Variants in CEP135 observed in about 807,000 individuals in gnomAD.
CEP135 encodes centrosomal protein 135.
Under a neutral mutation model 157.3 loss-of-function variants are expected in CEP135, and 142 were observed. The observed-to-expected ratio is 0.90, with a 90% CI of 0.79 to 1.04. The LOEUF is 1.04. Ranked by LOEUF, CEP135 falls within the 50% of genes least tolerant of loss-of-function variation. The pLI, the probability that CEP135 is intolerant of heterozygous loss-of-function variation, is 0.00. For synonymous variants in CEP135, 396 were observed against 439.8 expected (o/e 0.90, Z 1.25); for missense variants, 1,317 against 1,309.2 (o/e 1.01, Z -0.09).
At chr4:55,982,009 G>A (rs1050713445) in intron 13 of CEP135, among the ~76,000 whole-genome samples, 10 of 152,050 alleles carry the variant, frequency 6.6e-5, no homozygotes, top group African/African-American at 2.4e-4. Context: ...GTAAACCAGG[G>A]ACTATCTGTA....
chr4:55,959,577 G>A (rs193216941), intron 5 of CEP135, 105 bp from the exon 6 acceptor site: 109 of 939,018 alleles, frequency 1.2e-4, no homozygotes, highest in Non-Finnish European at 5.0e-5. Flanking sequence ...CTACCTGTTT[G>A]AGAAGCTGAA....
At position 55,974,966 on chromosome 4, in the gene CEP135, A is replaced by G. The variant is rs1729150517; in HGVS notation, c.1470A>G (p.Glu490=). Residue 490 remains glutamate (E), a synonymous_variant, in exon 11 of 26, where the codon GAA becomes GAG. Coordinates refer to ENST00000257287, the MANE Select transcript of CEP135 (RefSeq NM_025009.5). ...AAAGTTCAATATTTAGAACACCAGAAAAGGTAATGTCCCTTTATAAGAGTA... is the reference window on the plus strand; with the variant it reads ...AAAGTTCAATATTTAGAACACCAGAGAAGGTAATGTCCCTTTATAAGAGTA... ...REKSSIFRTP[E]KGDYNSEIHQ... 6.3e-7 allele frequency: 1 copy of G among 1,595,222 alleles called. No individual in the cohort carries two copies. Among genetic ancestry groups the G allele is most frequent in the Admixed American group, 1.7e-5 (1 of 58,746 alleles).
intron 14 of CEP135, among the ~76,000 whole-genome samples, chr4:55,991,430 G>A (rs1265208305): frequency 1.3e-5 from 2 of 150,946 alleles, no homozygotes; most frequent in Non-Finnish European, 2.9e-5. Flanking sequence ...ATTATTTGAG[G>A]AAATTTTAGT....
intron 14 of CEP135, among the ~76,000 whole-genome samples, chr4:55,987,650 A>G (rs894971932): frequency 1.5e-4 from 23 of 152,206 alleles, no homozygotes; most frequent in Admixed American, 1.4e-3. Context: ...TAGTTATTTC[A>G]GGCGGAAGAG....
intron 13 of CEP135, 103 bp from the exon 14 acceptor site, chr4:55,985,178 G>A (rs1729535446): frequency 3.9e-6 from 2 of 517,780 alleles, no homozygotes; most frequent in Non-Finnish European, 7.1e-6. Flanking sequence ...TTTATGAAAG[G>A]ACAAATACAA....
intron 24 of CEP135, among the ~76,000 whole-genome samples, chr4:56,022,195 A>G (rs548399633): frequency 2.0e-5 from 3 of 152,324 alleles, no homozygotes; most frequent in Admixed American, 6.5e-5. Context: ...CTGCAAATCA[A>G]AAGTCCTAAA....
At chr4:56,028,231 A>G (rs1328866794) in intron 25 of CEP135, among the ~76,000 whole-genome samples, 3 of 152,274 alleles carry the variant, frequency 2.0e-5, no homozygotes, top group East Asian at 3.9e-4. Flanking sequence ...ATCTTTTAGT[A>G]TATACCTGAG....
At chr4:56,004,219 T>C (rs937074756) in intron 17 of CEP135, among the ~76,000 whole-genome samples, 2 of 152,244 alleles carry the variant, frequency 1.3e-5, no homozygotes, top group African/African-American at 2.4e-5. Context: ...TTGTGTAGTT[T>C]CCAGCGTTTC....
At position 56,020,772 on chromosome 4, in the gene CEP135, A is replaced by T. The variant is rs777136058; in HGVS notation, c.3312A>T (p.Arg1104Ser). 6.2e-7 allele frequency: 1 copy of T among 1,611,876 alleles called. No homozygotes were observed. The highest frequency in any genetic ancestry group is 1.1e-5 in the South Asian group (1 of 90,448). Residue 1104 changes from arginine to serine, a missense_variant, in exon 24 of 26, where the codon AGA becomes AGT. Coordinates refer to ENST00000257287, the MANE Select transcript of CEP135 (RefSeq NM_025009.5). ...TGAAAAGGCAGATCTCAACTGAAAG[A>T]TACGAACGGTAAGACAAATTTTTTT... ...DALKRQISTERYERERAIQEM... is the reference protein window; with the variant it reads ...DALKRQISTESYERERAIQEM...
At chr4:55,970,576 G>T (rs1052350713) in intron 9 of CEP135, among the ~76,000 whole-genome samples, 1 of 152,196 alleles carries the variant, frequency 6.6e-6, no homozygotes, top group African/African-American at 2.4e-5. Flanking sequence ...ACTGCTAGTT[G>T]TATGTGCACT....
At chr4:55,973,780 C>T (rs1167821617) in intron 10 of CEP135, among the ~76,000 whole-genome samples, 1 of 152,154 alleles carries the variant, frequency 6.6e-6, no homozygotes, top group Admixed American at 6.5e-5. Flanking sequence ...TGATCACCCA[C>T]TACCCCTTAG....
At chr4:55,957,520 A>G (rs1224307982) in intron 5 of CEP135, among the ~76,000 whole-genome samples, 156 bp downstream of exon 5, 1 of 152,234 alleles carries the variant, frequency 6.6e-6, no homozygotes, top group Non-Finnish European at 1.5e-5. Flanking sequence ...CCAGATTGAT[A>G]TAAAATGTTT....
chr4:56,017,809 A>C lies in CEP135; in HGVS notation c.2964A>C (p.Lys988Asn). The C allele has an allele frequency of 1.2e-6, 2 of 1,613,550 alleles. No homozygotes were observed. Among genetic ancestry groups the C allele is most frequent in the Non-Finnish European group, 1.7e-6 (2 of 1,179,982 alleles). Residue 988 changes from lysine to asparagine, a missense_variant, in exon 22 of 26, where the codon AAA (lysine) becomes AAC (asparagine). Lys to Asn is a moderately conservative substitution (Grantham distance 94). Transcript: ENST00000257287. ...RELCIKLDSG[K>N]DIMTQQLNSK... ...TTTGCATTAAACTTGATTCAGGCAA[A>C]GATATTATGACCCAGCAATTGAATT...
chr4:55,994,060 G>A (rs1413884233), intron 15 of CEP135, among the ~76,000 whole-genome samples: 21 of 152,110 alleles, frequency 1.4e-4, no homozygotes, highest in Admixed American at 1.2e-3. Flanking sequence ...GTAAGTATTG[G>A]TAGAACCATG....
chr4:56,009,934 T>A (rs763988907), intron 19 of CEP135, 31 bp downstream of exon 19: 75 of 1,585,956 alleles, frequency 4.7e-5, no homozygotes, highest in Non-Finnish European at 6.4e-5. Flanking sequence ...TTTTGATAGT[T>A]TTATACTTTC....
chr4:56,033,123 C>T lies in CEP135; in HGVS notation c.*1775C>T, dbSNP rs1385218729. On this transcript the variant is annotated 3_prime_UTR_variant, in exon 26 of 26. Coordinates refer to ENST00000257287, the MANE Select transcript of CEP135 (RefSeq NM_025009.5). ...ATAAAATAAAAAATATTTGTCTCCA[C>T]CTTTTCCCCAAAAGCAACAGCAAGA... The T allele has an allele frequency of 6.6e-6, 1 of 151,956 alleles. No homozygotes were observed. 9.4% of individuals were successfully genotyped at this position (151,956 alleles called of 1,614,324 possible). A position where few individuals can be genotyped will look rare whatever the true frequency, so the allele number is the denominator to read the frequency against.
chr4:55,973,212 G>T (rs941863653), intron 10 of CEP135, among the ~76,000 whole-genome samples: 1 of 152,170 alleles, frequency 6.6e-6, no homozygotes, highest in South Asian at 2.1e-4. Context: ...TCAGCTGTTT[G>T]AGTGTGCACC....
intron 9 of CEP135, among the ~76,000 whole-genome samples, chr4:55,969,376 G>A (rs368905973): frequency 4.0e-5 from 6 of 149,038 alleles, no homozygotes; most frequent in Admixed American, 1.3e-4. Context: ...GCAGTGAGCC[G>A]AGGTCACACC....
Position 55,999,641 on chromosome 4 carries a change from A to ACC in CEP135, c.2276_2277insCC (p.Lys760LeufsTer9), listed in dbSNP as rs768072718. Reference sequence around the variant, plus strand: ...GCAAATTTGCAAGAAAACCTAGCTAATAAAGTATGTGATCGTTTAATGTAA... The same window carrying ACC: ...GCAAATTTGCAAGAAAACCTAGCTAACCTAAAGTATGTGATCGTTTAATGTAA... On this transcript the variant is annotated frameshift_variant, in exon 17 of 26. Coordinates refer to ENST00000257287, the MANE Select transcript of CEP135 (RefSeq NM_025009.5). LOFTEE classifies it high-confidence loss of function. 6.3e-7 allele frequency: 1 copy of ACC among 1,585,626 alleles called. No individual in the cohort carries two copies. The highest frequency in any genetic ancestry group is 2.0e-5 in the Admixed American group (1 of 50,678).
Sources: allele counts gnomAD v4.1 joint callset (sites outside exome capture counted in the v4.1 genomes callset), GRCh38; gene constraint gnomAD v4.1.1; transcripts MANE v1.5; gene names NCBI Gene and HGNC (gene_info 2026-07-23, HGNC 2026-07-21).